Variants in EP300 observed in about 807,000 individuals in gnomAD.
EP300 encodes the protein EP300 lysine acetyltransferase, also known as histone acetyltransferase p300.
In EP300, 31 loss-of-function variants were observed where a neutral mutation model predicts 264.0. The ratio of observed to expected loss-of-function variants is 0.12; its 90% confidence interval spans 0.09 to 0.16. EP300 has a LOEUF of 0.16. Among genes scored for constraint, EP300 ranks in the 10% least tolerant of loss-of-function variants. The pLI, the probability that EP300 is intolerant of heterozygous loss-of-function variation, is 1.00. For missense variants in EP300, 2,766 were observed against 3,052.9 expected (o/e 0.91, Z 2.21); for synonymous variants, 1,340 against 1,045.4 (o/e 1.28, Z -5.44).
At position 41,128,467 on chromosome 22, in the gene EP300, AAAAC is replaced by A. The variant is rs1477452390; in HGVS notation, c.1168+721_1168+724del. On this transcript the variant is annotated intron_variant, in intron 4 of 30. Coordinates refer to ENST00000263253, the MANE Select transcript of EP300 (RefSeq NM_001429.4). ...TAGAACCAAACCCTGTTTCAAAAAA[AAAAC>A]AGTGTACATATGTGTAATTTTTTAA... Among the ~76,000 whole-genome samples, 3 of 152,318 alleles carry A rather than the reference AAAAC, an allele frequency of 2.0e-5. No individual in the cohort carries two copies. In the East Asian group the frequency reaches 5.8e-4, roughly 29 times the overall value.
In EP300 at chr22:41,177,153, G is replaced by C; in HGVS notation, c.5442G>C (p.Arg1814=). The change falls in exon 31 of 31, where the codon CGG becomes CGC. Residue 1814 remains arginine, a synonymous_variant. Transcript: ENST00000263253. ...GCCTAAACATCAAGCAGAAGCTCCGGCAGCAACAGCTGCAGCACCGACTAC... is the reference window on the plus strand; with the variant it reads ...GCCTAAACATCAAGCAGAAGCTCCGCCAGCAACAGCTGCAGCACCGACTAC... The part of the protein sequence containing the change: ...PFCLNIKQKL[R]QQQLQHRLQQ... The C allele has an allele frequency of 6.2e-7, 1 of 1,614,072 alleles. No individual in the cohort carries two copies. Among genetic ancestry groups the C allele is most frequent in the Non-Finnish European group, 8.5e-7 (1 of 1,180,014 alleles).
intron 27 of EP300, among the ~76,000 whole-genome samples, chr22:41,171,254 T>C (rs1340335506): frequency 1.3e-5 from 2 of 152,100 alleles, no homozygotes; most frequent in African/African-American, 4.8e-5. Flanking sequence ...ATTACAGGCA[T>C]GAGCCACTGT....
chr22:41,109,854 C>T (rs1478870624), intron 1 of EP300, among the ~76,000 whole-genome samples: 2 of 150,670 alleles, frequency 1.3e-5, no homozygotes, highest in Non-Finnish European at 3.0e-5. Flanking sequence ...TGCTCTGTTT[C>T]CCAGGCTGGA....
At chr22:41,108,896 T>C (rs529073867) in intron 1 of EP300, among the ~76,000 whole-genome samples, 2 of 152,298 alleles carry the variant, frequency 1.3e-5, no homozygotes, top group Non-Finnish European at 2.9e-5. Context: ...TGGAACAAAC[T>C]TCAGATTTAT....
rs2145523733 is a variant in EP300 at position 41,178,778 on chromosome 22, C to T, written c.7067C>T (p.Ala2356Val). The T allele has an allele frequency of 6.2e-7, 1 of 1,614,144 alleles. No individual in the cohort carries two copies. The highest frequency in any genetic ancestry group is 8.5e-7 in the Non-Finnish European group (1 of 1,180,024). Residue 2356 changes from alanine to valine, a missense_variant, in exon 31 of 31, where the codon GCC becomes GTC. By Grantham distance (64) the Ala-to-Val change is moderately conservative. Transcript: ENST00000263253. ...CATCCTGGACTGGTAGCTGCCCAGGCCAACCCCATGGAACAAGGGCATTTT... is the reference window on the plus strand; with the variant it reads ...CATCCTGGACTGGTAGCTGCCCAGGTCAACCCCATGGAACAAGGGCATTTT... ...SPHPGLVAAQ[A>V]NPMEQGHFAS...
chr22:41,106,684 T>C (rs2058759708), intron 1 of EP300, among the ~76,000 whole-genome samples: 1 of 152,128 alleles, frequency 6.6e-6, no homozygotes. Context: ...GGCGCAATCT[T>C]GGCTCACGGC....
At chr22:41,152,740 ATTTC>A (rs753720783) in intron 16 of EP300, among the ~76,000 whole-genome samples, 17 of 136,016 alleles carry the variant, frequency 1.2e-4, no homozygotes, top group Non-Finnish European at 1.9e-4. Context: ...TCATTTAATA[ATTTC>A]TTTCTTTCTT....
chr22:41,164,325 T>C (rs935819201), intron 22 of EP300, among the ~76,000 whole-genome samples, 195 bp downstream of exon 22: 5 of 152,246 alleles, frequency 3.3e-5, no homozygotes, highest in African/African-American at 1.2e-4. Context: ...TAGATTTTTA[T>C]CTTATTTTTA....
At chr22:41,161,159 C>T (rs188184984) in intron 20 of EP300, among the ~76,000 whole-genome samples, 45 of 152,338 alleles carry the variant, frequency 3.0e-4, no homozygotes, top group South Asian at 4.1e-4. Context: ...GACCACCTTA[C>T]ACCCTTCTCT....
At chr22:41,103,684 G>A (rs2058743580) in intron 1 of EP300, among the ~76,000 whole-genome samples, 1 of 152,182 alleles carries the variant, frequency 6.6e-6, no homozygotes, top group African/African-American at 2.4e-5. Context: ...TTTTTCATGG[G>A]AGAGAGATGG....
At chr22:41,161,539 C>T (rs1490762767) in intron 20 of EP300, among the ~76,000 whole-genome samples, 4 of 152,134 alleles carry the variant, frequency 2.6e-5, no homozygotes, top group African/African-American at 9.7e-5. Flanking sequence ...ACGGCGTGAA[C>T]CCGGGAGGTG....
chr22:41,144,648 C>T (rs750118347), intron 10 of EP300, among the ~76,000 whole-genome samples: 2 of 152,064 alleles, frequency 1.3e-5, no homozygotes, highest in Non-Finnish European at 2.9e-5. Context: ...TGACCCACTG[C>T]GCCCAGCCTT....
intron 19 of EP300, chr22:41,159,548 A>G (rs2059096445): frequency 1.3e-5 from 2 of 152,222 alleles, no homozygotes; most frequent in African/African-American, 2.4e-5. Flanking sequence ...ACAGTAGTCT[A>G]AAGTGTTTAT....
At chr22:41,105,860 G>A (rs1220927502) in intron 1 of EP300, among the ~76,000 whole-genome samples, 1 of 152,136 alleles carries the variant, frequency 6.6e-6, no homozygotes, top group Non-Finnish European at 1.5e-5. Context: ...ACAGCTGTCA[G>A]CATTTGTAGC....
chr22:41,120,554 TGGATGAATCTGTGGTTCAG>T (rs2058846516), intron 2 of EP300, among the ~76,000 whole-genome samples: 1 of 152,222 alleles, frequency 6.6e-6, no homozygotes, highest in South Asian at 2.1e-4. Flanking sequence ...GTTCTTGTCA[TGGATGAATCTGTGGTTCAG>T]GAGGTGCAGG....
intron 6 of EP300, among the ~76,000 whole-genome samples, chr22:41,135,011 G>T (rs187165362): frequency 2.6e-5 from 4 of 152,052 alleles, no homozygotes; most frequent in Admixed American, 2.6e-4. Flanking sequence ...GGGTTCAAGC[G>T]ATGCTCCTGC....
At position 41,123,844 on chromosome 22, in the gene EP300, T is replaced by C. The variant is rs926921330; in HGVS notation, c.730-2020T>C. On this transcript the variant is annotated intron_variant, in intron 2 of 30. Coordinates refer to ENST00000263253, the MANE Select transcript of EP300 (RefSeq NM_001429.4). ...GAAAATGCATTTTTATAACTTTCAT[T>C]ATTAGTAAAACGTTTGACTTTAGAA... Among the ~76,000 whole-genome samples the C allele has an allele frequency of 3.3e-5, 5 of 152,248 alleles. 1 individual carries two copies. Among genetic ancestry groups the C allele is most frequent in the Admixed American group, 3.3e-4 (5 of 15,284 alleles).
intron 2 of EP300, among the ~76,000 whole-genome samples, chr22:41,120,792 A>ACTTG (rs2058848043): frequency 6.6e-6 from 1 of 152,166 alleles, no homozygotes; most frequent in Non-Finnish European, 1.5e-5. Flanking sequence ...ATCACAGCTC[A>ACTTG]CTTGCAGCCT....
At chr22:41,146,987 A>T (rs1241409912) in intron 11 of EP300, among the ~76,000 whole-genome samples, 171 bp downstream of exon 11, 1 of 152,146 alleles carries the variant, frequency 6.6e-6, no homozygotes, top group Non-Finnish European at 1.5e-5. Flanking sequence ...GGCAGGTGAC[A>T]TTAAATGATC....
Sources: allele counts gnomAD v4.1 joint callset (sites outside exome capture counted in the v4.1 genomes callset), GRCh38; gene constraint gnomAD v4.1.1; transcripts MANE v1.5; gene names NCBI Gene and HGNC (gene_info 2026-07-23, HGNC 2026-07-21).